Variants in DCX observed in about 807,000 individuals in gnomAD.
DCX encodes the protein doublecortin.
A neutral mutation model predicts 20.9 loss-of-function variants in DCX; 4 were observed. That is an observed-to-expected ratio of 0.19 (90% CI 0.09 to 0.44). The LOEUF (loss-of-function observed/expected upper bound fraction) is 0.44. DCX is among the 20% of genes least tolerant of loss of function. The pLI, the probability that DCX is intolerant of heterozygous loss-of-function variation, is 0.99. For missense variants in DCX, 133 were observed against 296.9 expected (o/e 0.45, Z 4.06); for synonymous variants, 103 against 111.4 (o/e 0.92, Z 0.47).
At chrX:111,313,865 T>G (rs1603412895) in intron 5 of DCX, among the ~76,000 whole-genome samples, 1 of 80,220 alleles carries the variant, frequency 1.2e-5, no homozygotes, top group Non-Finnish European at 2.3e-5. Context: ...ATCCTGAGGG[T>G]GTGTGGAGAG....
chrX:111,317,458 T>C (rs1323066893), intron 5 of DCX, among the ~76,000 whole-genome samples: 1 of 109,883 alleles, frequency 9.1e-6, no homozygotes, highest in Non-Finnish European at 1.9e-5. Flanking sequence ...TGAAAAACCC[T>C]GGAAGATAAC....
intron 5 of DCX, among the ~76,000 whole-genome samples, chrX:111,316,631 C>G (rs2095073148): frequency 9.0e-6 from 1 of 111,642 alleles, no homozygotes; most frequent in Admixed American, 9.5e-5. Flanking sequence ...GAGAGGAAGT[C>G]AAACTATCTC....
intron 1 of DCX, 81 bp from the exon 2 acceptor site, chrX:111,410,501 A>G (rs1928620305): frequency 8.8e-7 from 1 of 1,141,964 alleles, no homozygotes; most frequent in Non-Finnish European, 1.2e-6. Context: ...AAGGGATTTT[A>G]AATATTAGCC....
chrX:111,400,200 T>C (rs1927660005), intron 3 of DCX, among the ~76,000 whole-genome samples: 1 of 111,801 alleles, frequency 8.9e-6, no homozygotes, highest in Admixed American at 9.5e-5. Context: ...CCTTGGAACA[T>C]TTTTGTTGTA....
chrX:111,343,229 A>G (rs1922459005), intron 3 of DCX, among the ~76,000 whole-genome samples: 1 of 109,588 alleles, frequency 9.1e-6, no homozygotes, highest in Non-Finnish European at 1.9e-5. Context: ...AATAAAAATG[A>G]TAAAGGGGAT....
intron 3 of DCX, among the ~76,000 whole-genome samples, chrX:111,387,040 G>A (rs1926576831): frequency 8.9e-6 from 1 of 111,848 alleles, no homozygotes; most frequent in African/African-American, 3.3e-5. Flanking sequence ...CATCCAAGAA[G>A]CTACCACATT....
At chrX:111,383,799 C>T (rs767081231) in intron 3 of DCX, among the ~76,000 whole-genome samples, 18 of 111,164 alleles carry the variant, frequency 1.6e-4, no homozygotes, top group South Asian at 1.5e-3. Flanking sequence ...TGGGTCTCAG[C>T]TCCAGAGGAT....
rs939527179 is a variant in DCX at position 111,299,374 on chromosome X, G to C, written c.*2313C>G. 4 of 111,490 alleles carry C rather than the reference G, an allele frequency of 3.6e-5. No homozygotes were observed. Among genetic ancestry groups the C allele is most frequent in the African/African-American group, 1.3e-4 (4 of 30,663 alleles). The allele number at this position is 111,490 out of a possible 1,213,427, so 9.2% of individuals were successfully genotyped here. The stretch of plus-strand genomic sequence containing the variant: ...GGTATTTTCTAGTAGTACATATACC[G>C]CAATCAAGGAAATACTCAGAGAGCT... On this transcript the variant is annotated 3_prime_UTR_variant, in exon 7 of 7. Coordinates refer to ENST00000636035, the MANE Select transcript of DCX (RefSeq NM_001195553.2).
chrX:111,402,678 T>C (rs1927882999), intron 2 of DCX, among the ~76,000 whole-genome samples: 1 of 111,293 alleles, frequency 9.0e-6, no homozygotes, highest in Non-Finnish European at 1.9e-5. Context: ...TAAGACATGT[T>C]AATGAATAAA....
chrX:111,409,232 C>T (rs1928499348), intron 2 of DCX, among the ~76,000 whole-genome samples: 3 of 111,549 alleles, frequency 2.7e-5, no homozygotes, highest in Non-Finnish European at 5.6e-5. Context: ...TTCTAAATGA[C>T]CACAAAGAAG....
intron 6 of DCX, among the ~76,000 whole-genome samples, 187 bp from the exon 7 acceptor site, chrX:111,301,930 A>G (rs1451749058): frequency 9.0e-6 from 1 of 111,613 alleles, no homozygotes; most frequent in Admixed American, 9.5e-5. Context: ...AATTTTCCCT[A>G]ATGGTACCAT....
At chrX:111,325,378 G>A (rs901042065) in intron 5 of DCX, among the ~76,000 whole-genome samples, 1 of 111,323 alleles carries the variant, frequency 9.0e-6, no homozygotes, top group East Asian at 2.8e-4. Context: ...TCAGGAGAGC[G>A]ATGTTCTGGC....
chrX:111,411,498 C>T (rs1243710729), intron 1 of DCX, among the ~76,000 whole-genome samples: 1 of 109,623 alleles, frequency 9.1e-6, no homozygotes. Flanking sequence ...TTGCTTTTCT[C>T]CCTTCTGTTG....
intron 3 of DCX, among the ~76,000 whole-genome samples, chrX:111,368,901 T>TACACACAC (rs200777698): frequency 0.055 from 5,365 of 98,183 alleles, 411 homozygotes; most frequent in African/African-American, 0.18. Context: ...TATATATACA[T>TACACACAC]ACACACACAC....
chrX:111,402,137 A>G (rs1569497455), intron 2 of DCX, among the ~76,000 whole-genome samples: 1 of 112,228 alleles, frequency 8.9e-6, no homozygotes. Flanking sequence ...ATTCAGGGTC[A>G]TCTTCACCAG....
chrX:111,333,290 C>G, intron 3 of DCX, 137 bp from the exon 4 acceptor site: 2 of 515,794 alleles, frequency 3.9e-6, no homozygotes, highest in Non-Finnish European at 3.5e-6. Context: ...CTTAAAACAC[C>G]TACCACATTC....
intron 3 of DCX, among the ~76,000 whole-genome samples, chrX:111,338,567 G>A (rs1189875396): frequency 5.5e-5 from 6 of 109,079 alleles, no homozygotes; most frequent in Non-Finnish European, 1.1e-4. Context: ...GCAACCTTTC[G>A]GAAACAATCC....
intron 6 of DCX, among the ~76,000 whole-genome samples, chrX:111,311,939 C>T (rs1180860266): frequency 1.8e-5 from 2 of 112,100 alleles, no homozygotes; most frequent in East Asian, 5.6e-4. Context: ...TCAACACTGC[C>T]TTAGGTATAA....
At chrX:111,360,773 A>G in intron 3 of DCX, among the ~76,000 whole-genome samples, 1 of 111,770 alleles carries the variant, frequency 8.9e-6, no homozygotes, top group East Asian at 2.8e-4. Flanking sequence ...AAAAGAATGC[A>G]GTGGAAATAT....
Sources: gnomAD v4.1 joint callset for allele counts (sites outside exome capture counted in the v4.1 genomes callset) on GRCh38, gnomAD v4.1.1 for gene constraint, MANE v1.5 for transcripts, NCBI Gene and HGNC (gene_info 2026-07-23, HGNC 2026-07-21) for gene names.